The following DCAF12 variants were observed in gnomAD, a reference collection of about 807,000 sequenced individuals.
The protein encoded by DCAF12 is DDB1- and CUL4-associated factor 12.
DCAF12 carries 28 observed loss-of-function variants against 52.8 expected under a neutral mutation model. That is an observed-to-expected ratio of 0.53 (90% CI 0.39 to 0.73). DCAF12 has a LOEUF of 0.73. Ranked by LOEUF, DCAF12 falls within the 30% of genes least tolerant of loss-of-function variation. DCAF12 has a pLI of 0.00. For missense variants in DCAF12, 425 were observed against 552.2 expected (o/e 0.77, Z 2.31); for synonymous variants, 196 against 215.5 (o/e 0.91, Z 0.79).
At chr9:34,105,752 A>G (rs1587736116) in intron 4 of DCAF12, among the ~76,000 whole-genome samples, 2 of 137,268 alleles carry the variant, frequency 1.5e-5, no homozygotes, top group Non-Finnish European at 1.6e-5. Flanking sequence ...CTATCTATCC[A>G]TCCTTTTTTT....
chr9:34,101,898 C>T (rs561672626), intron 4 of DCAF12, among the ~76,000 whole-genome samples: 46 of 150,558 alleles, frequency 3.1e-4, no homozygotes, highest in Non-Finnish European at 5.5e-4. Context: ...CGCCTGTGGT[C>T]CCAGCTACTC....
At chr9:34,112,708 G>C (rs567052119) in intron 2 of DCAF12, among the ~76,000 whole-genome samples, 147 of 151,822 alleles carry the variant, frequency 9.7e-4, no homozygotes, top group African/African-American at 3.4e-3. Flanking sequence ...AGACCAGCCT[G>C]ACCAACATGG....
In DCAF12 at chr9:34,107,394, G is replaced by C. The variant is rs767486773; in HGVS notation, c.505C>G (p.Arg169Gly). 4 of 1,614,116 alleles carry C rather than the reference G, an allele frequency of 2.5e-6. No homozygotes were observed. In the East Asian group the frequency reaches 8.9e-5, roughly 36 times the overall value. The change falls in exon 3 of 9, where the codon CGA becomes GGA. Residue 169 changes from arginine (R) to glycine (G), a missense_variant. Coordinates refer to ENST00000361264, the MANE Select transcript of DCAF12 (RefSeq NM_015397.4). ...GDNPNSLAIY[R>G]LPTLDPVCVG... The stretch of plus-strand genomic sequence containing the variant: ...CACACAGGATCCAGCGTAGGTAGTC[G>C]ATAGATGGCAAGACTGTTGGGGTTG...
intron 2 of DCAF12, among the ~76,000 whole-genome samples, chr9:34,122,090 A>G (rs1829183521): frequency 6.6e-6 from 1 of 152,106 alleles, no homozygotes; most frequent in Non-Finnish European, 1.5e-5. Context: ...TTCTCTCCTT[A>G]GCTTATCTGT....
At chr9:34,106,156 G>A (rs374267387) in intron 4 of DCAF12, among the ~76,000 whole-genome samples, 2 of 152,042 alleles carry the variant, frequency 1.3e-5, no homozygotes, top group African/African-American at 2.4e-5. Flanking sequence ...GCAGTGGCAC[G>A]ATCACAGCTT....
chr9:34,125,681 C>A, intron 1 of DCAF12: 1 of 435,252 alleles, frequency 2.3e-6, no homozygotes, highest in South Asian at 1.6e-5. Context: ...AAGATACAGT[C>A]CAAGGAGCCA....
chr9:34,121,896 T>G (rs1829180653), intron 2 of DCAF12, among the ~76,000 whole-genome samples: 1 of 152,114 alleles, frequency 6.6e-6, no homozygotes, highest in South Asian at 2.1e-4. Context: ...TGAGCTGAGA[T>G]CGCGCCACTG....
Position 34,093,357 on chromosome 9 carries a change from T to C in DCAF12, c.953A>G (p.His318Arg). 1 of 1,614,220 alleles carries C rather than the reference T, an allele frequency of 6.2e-7. No homozygotes were observed. Among genetic ancestry groups the C allele is most frequent in the Non-Finnish European group, 8.5e-7 (1 of 1,180,034 alleles). ...CTGCCGTGGATCCAAGAAGGAGACA[T>C]GAGCTTGGGAGCCCACTGCATAAAC... ...WSVYAVGSQA[H>R]VSFLDPRQPS... The change falls in exon 7 of 9, where the codon CAT (histidine) becomes CGT (arginine). Residue 318 changes from histidine (H) to arginine (R), a missense_variant. Physicochemically the swap from His to Arg is conservative, Grantham distance 29 (BLOSUM62 0). This residue lies in a region of DCAF12 where 328 missense variants were observed against 444.4 expected (regional missense o/e 0.74). Coordinates refer to ENST00000361264, the MANE Select transcript of DCAF12 (RefSeq NM_015397.4).
chr9:34,117,643 A>G (rs1303730833), intron 2 of DCAF12, among the ~76,000 whole-genome samples: 1 of 152,136 alleles, frequency 6.6e-6, no homozygotes, highest in Non-Finnish European at 1.5e-5. Context: ...TGCTGGGTGC[A>G]GTGGCTCACA....
At chr9:34,110,139 A>G (rs12376939) in intron 2 of DCAF12, among the ~76,000 whole-genome samples, 1 of 151,806 alleles carries the variant, frequency 6.6e-6, no homozygotes, top group African/African-American at 2.4e-5. Context: ...GGGACAAACC[A>G]CTCTCAAACT....
rs543492218 is a variant in DCAF12 at position 34,109,852 on chromosome 9, G to A, written c.334-2287C>T. ...GGGTCGGAAGCAGATGTCTTAGAGA[G>A]CTTCCTTATCAATGCAAAAGGTCTC... is the stretch of plus-strand genomic sequence containing the variant. On this transcript the variant is annotated intron_variant, in intron 2 of 8. Coordinates refer to ENST00000361264, the MANE Select transcript of DCAF12 (RefSeq NM_015397.4). 5.1e-4 allele frequency: 150 copies of A among 291,572 alleles called. 1 individual carries two copies. The South Asian group carries it at 6.3e-3, about 12-fold the overall frequency. 18.1% of individuals were successfully genotyped at this position (291,572 alleles called of 1,614,324 possible).
At chr9:34,116,831 A>G (rs1161763657) in intron 2 of DCAF12, among the ~76,000 whole-genome samples, 1 of 151,952 alleles carries the variant, frequency 6.6e-6, no homozygotes, top group Non-Finnish European at 1.5e-5. Context: ...AAATACATAA[A>G]TTAGCCGGGC....
intron 4 of DCAF12, among the ~76,000 whole-genome samples, chr9:34,105,729 CTATCTATCT>C (rs1282659147): frequency 6.6e-6 from 1 of 150,992 alleles, no homozygotes; most frequent in Non-Finnish European, 1.5e-5. Context: ...CCTTTTTTAT[CTATCTATCT>C]TATCTATCTA....
chr9:34,100,673 T>C (rs972522768), intron 4 of DCAF12, among the ~76,000 whole-genome samples: 1 of 151,720 alleles, frequency 6.6e-6, no homozygotes, highest in Admixed American at 6.6e-5. Flanking sequence ...TTTTGCATTT[T>C]TTTTTTTTTA....
chr9:34,095,153 C>G (rs887583891), intron 6 of DCAF12, among the ~76,000 whole-genome samples: 1 of 151,544 alleles, frequency 6.6e-6, no homozygotes, highest in Non-Finnish European at 1.5e-5. Flanking sequence ...CGGCTCACTG[C>G]AACCTCTGCC....
rs1019789982 is a variant in DCAF12 at position 34,125,263 on chromosome 9, G to A, written c.93C>T (p.His31=). 3 of 1,614,064 alleles carry A rather than the reference G, an allele frequency of 1.9e-6. No individual in the cohort carries two copies. Among genetic ancestry groups the A allele is most frequent in the Non-Finnish European group, 2.5e-6 (3 of 1,180,010 alleles). ...GAAGTCTTTTCCTTTTGTGAAGCGA[G>A]TGATCCCAGCCAAACTGTGGAAACA... ...DAQGPQFGWD[H]SLHKRKRLPP... The change falls in exon 2 of 9, where the codon CAC becomes CAT. Residue 31 remains histidine (H), a synonymous_variant. Transcript: ENST00000361264.
chr9:34,101,886 C>T (rs1343134732), intron 4 of DCAF12, among the ~76,000 whole-genome samples: 1 of 151,710 alleles, frequency 6.6e-6, no homozygotes, highest in African/African-American at 2.4e-5. Context: ...CGTGGTGGGG[C>T]ACGCCTGTGG....
Position 34,093,437 on chromosome 9 carries a change from G to A in DCAF12, c.873C>T (p.Thr291=). 1.2e-6 allele frequency: 2 copies of A among 1,614,078 alleles called. No individual in the cohort carries two copies. Among genetic ancestry groups the A allele is most frequent in the Non-Finnish European group, 1.7e-6 (2 of 1,179,968 alleles). The part of the protein sequence containing the change: ...AENTLSKLLS[T]KLPYCRENVC... ...CATTCTCACGGCAATATGGCAGTTT[G>A]GTGGAGAGGAGCTGAAAATAGAGGA... Residue 291 remains threonine, a synonymous_variant, in exon 7 of 9, where the codon ACC becomes ACT. Coordinates refer to ENST00000361264, the MANE Select transcript of DCAF12 (RefSeq NM_015397.4).
At chr9:34,091,668 A>G (rs1475604831) in intron 7 of DCAF12, among the ~76,000 whole-genome samples, 1 of 150,174 alleles carries the variant, frequency 6.7e-6, no homozygotes, top group Non-Finnish European at 1.5e-5. Flanking sequence ...AAAACCACAA[A>G]AAACCCAAAA....
Sources: gnomAD v4.1 joint callset for allele counts (sites outside exome capture counted in the v4.1 genomes callset) on GRCh38, gnomAD v4.1.1 for gene constraint, gnomAD v4.1.1 regional missense constraint, MANE v1.5 for transcripts, NCBI Gene and HGNC (gene_info 2026-07-23, HGNC 2026-07-21) for gene names.